The following TMEM233 variants were observed in gnomAD, a reference collection of about 807,000 sequenced individuals.
TMEM233 encodes dispanin subfamily B member 2.
In TMEM233, 6 loss-of-function variants were observed where a neutral mutation model predicts 11.2. The observed-to-expected ratio is 0.54, with a 90% confidence interval of 0.29 to 1.06. The LOEUF (loss-of-function observed/expected upper bound fraction) is 1.06, where lower values mean the gene tolerates loss of function less well. Ranked by LOEUF, TMEM233 falls within the 50% of genes least tolerant of loss-of-function variation. The probability of loss-of-function intolerance (pLI) is 0.08; values close to 1 mark genes in which losing one functional copy is unlikely to be tolerated. For missense variants in TMEM233, 127 were observed against 144.7 expected, an observed-to-expected ratio of 0.88 and a Z score of 0.63; for synonymous variants, 59 against 55.8, an observed-to-expected ratio of 1.06 and a Z score of -0.26.
chr12:119,647,261 G>A (rs996909357), downstream of TMEM233, among the ~76,000 whole-genome samples: 3 of 152,160 alleles, frequency 2.0e-5, no homozygotes, highest in Admixed American at 1.3e-4. Context: ...TGGAAGGTCA[G>A]TCTTTAACCC....
chr12:119,624,693 G>A (rs1954713037), intron 1 of TMEM233, among the ~76,000 whole-genome samples: 2 of 152,186 alleles, frequency 1.3e-5, no homozygotes, highest in Non-Finnish European at 1.5e-5. Context: ...GAGGATGAAT[G>A]GGAGTGAGTA....
At chr12:119,606,157 T>G (rs1954275141) in intron 1 of TMEM233, among the ~76,000 whole-genome samples, 1 of 152,236 alleles carries the variant, frequency 6.6e-6, no homozygotes, top group African/African-American at 2.4e-5. Context: ...GCTATTTTGA[T>G]AGGAGCCTGC....
Position 119,629,866 on chromosome 12 carries a change from C to A in TMEM233, c.317C>A (p.Thr106Lys). The change falls in exon 2 of 3, where the codon ACA (threonine) becomes AAA (lysine). Residue 106 changes from threonine to lysine, a missense_variant. Transcript: ENST00000426426. ...GGCATTTCTTGTGCAGTTCACTTCA[C>A]AAGGAAGTAAGTAGGCTTTTTGAAT... ...IIGISCAVHF[T>K]RNA 3.9e-6 allele frequency: 6 copies of A among 1,549,830 alleles called. No homozygotes were observed. The highest frequency in any genetic ancestry group is 4.4e-6 in the Non-Finnish European group (5 of 1,146,420).
In TMEM233 at chr12:119,629,804, A is replaced by T; in HGVS notation, c.255A>T (p.Val85=). ...ARRLGRNAKW[V]AIASIIIGLL... is the part of the protein sequence containing the mutation. ...GGCTTGGGCGGAATGCTAAGTGGGT[A>T]GCCATCGCCTCCATCATCATTGGCC... Residue 85 remains valine (V), a synonymous_variant, in exon 2 of 3, where the codon GTA becomes GTT. Coordinates refer to ENST00000426426, the MANE Select transcript of TMEM233 (RefSeq NM_001136534.3). 6.4e-7 allele frequency: 1 copy of T among 1,551,720 alleles called. No homozygotes were observed. The highest frequency in any genetic ancestry group is 8.7e-7 in the Non-Finnish European group (1 of 1,146,984).
intron 1 of TMEM233, among the ~76,000 whole-genome samples, chr12:119,614,216 T>G (rs1197411993): frequency 7.9e-5 from 12 of 152,132 alleles, no homozygotes; most frequent in Admixed American, 7.9e-4. Flanking sequence ...AAGACCAGCC[T>G]GGCCAACATG....
rs755987884 is a variant in TMEM233, at chr12:119,629,778, C to A, written c.229C>A (p.Arg77=). The part of the protein sequence containing the change: ...YNDGDYEGAR[R]LGRNAKWVAI... ...CGATGGAGACTACGAAGGAGCCAGG[C>A]GGCTTGGGCGGAATGCTAAGTGGGT... Residue 77 remains arginine (R), a synonymous_variant, in exon 2 of 3, where the codon CGG becomes AGG. Transcript: ENST00000426426. 268 of 1,551,528 alleles carry A rather than the reference C, an allele frequency of 1.7e-4. No homozygotes were observed. Among genetic ancestry groups the A allele is most frequent in the Non-Finnish European group, 2.3e-4 (263 of 1,146,972 alleles).
intron 1 of TMEM233, among the ~76,000 whole-genome samples, chr12:119,608,176 A>G (rs79553786): frequency 0.011 from 1,710 of 152,218 alleles, 21 homozygotes; most frequent in African/African-American, 0.038. Flanking sequence ...CTCTTTCTCT[A>G]CCCAAGTAGA....
At chr12:119,650,577 G>A in the TMEM233 span, among the ~76,000 whole-genome samples, 12 of 152,040 alleles carry the variant, frequency 7.9e-5, no homozygotes, top group East Asian at 5.8e-4. Context: ...GAACTTTTAC[G>A]GCCGATTTGC....
rs1347819429 is a variant in TMEM233, at chr12:119,615,268, C to T, written c.187-14468C>T. Among the ~76,000 whole-genome samples the T allele has an allele frequency of 6.7e-5, 10 of 148,528 alleles. No individual in the cohort carries two copies. In the Admixed American group the frequency reaches 6.8e-4, roughly 10 times the overall value. ...ATTCTGTATTCATCTTATTTATTTG[C>T]ATGTTTACTTATTTTTTATCTCCAC... On this transcript the variant is annotated intron_variant, in intron 1 of 2. Coordinates refer to ENST00000426426, the MANE Select transcript of TMEM233 (RefSeq NM_001136534.3).
Position 119,594,080 on chromosome 12 carries a change from C to A in TMEM233, c.186+46C>A, listed in dbSNP as rs775821968. ...GGCAGCCTGGGAGGAGAGACCCGGG[C>A]GGCTTTGAGCCCCTGCAGGGGAGTC... On this transcript the variant is annotated intron_variant, in intron 1 of 2. Coordinates refer to ENST00000426426, the MANE Select transcript of TMEM233 (RefSeq NM_001136534.3). The surrounding 1 kb of genome is among the most constrained non-coding windows in gnomAD (Gnocchi z 5.6). 2.6e-6 allele frequency: 4 copies of A among 1,539,850 alleles called. No individual in the cohort carries two copies. The highest frequency in any genetic ancestry group is 1.7e-4 in the Middle Eastern group (1 of 5,952).
intron 1 of TMEM233, among the ~76,000 whole-genome samples, chr12:119,618,048 T>C (rs1954571040): frequency 6.6e-6 from 1 of 152,228 alleles, no homozygotes; most frequent in Admixed American, 6.5e-5. Flanking sequence ...GTGCAGCCTC[T>C]GGACATGGTG....
At chr12:119,610,098 G>A (rs2136702113) in intron 1 of TMEM233, among the ~76,000 whole-genome samples, 1 of 152,346 alleles carries the variant, frequency 6.6e-6, no homozygotes, top group East Asian at 1.9e-4. Context: ...CCCACCTCTT[G>A]TATCAGCATT....
chr12:119,623,249 G>A (rs537043646), intron 1 of TMEM233, among the ~76,000 whole-genome samples: 2 of 152,268 alleles, frequency 1.3e-5, no homozygotes, highest in East Asian at 3.9e-4. Context: ...AGAAAAGAGA[G>A]GGGACTTCAT....
At chr12:119,645,737 G>A (rs1276130781), downstream of TMEM233, among the ~76,000 whole-genome samples, 2 of 152,242 alleles carry the variant, frequency 1.3e-5, no homozygotes, top group African/African-American at 2.4e-5. Flanking sequence ...CGGTCACGGC[G>A]TTCATCTCTC....
intron 1 of TMEM233, among the ~76,000 whole-genome samples, chr12:119,626,603 G>GAGAA (rs1566109640): frequency 1.7e-4 from 22 of 127,508 alleles, no homozygotes; most frequent in South Asian, 1.3e-3. Context: ...AGAGAAAAAA[G>GAGAA]AAAAGAAAAG....
At chr12:119,632,961 G>A (rs1954914369) in intron 2 of TMEM233, among the ~76,000 whole-genome samples, 1 of 152,166 alleles carries the variant, frequency 6.6e-6, no homozygotes, top group Non-Finnish European at 1.5e-5. Context: ...TCATATGTTA[G>A]ACTTTCTCCA....
At chr12:119,614,361 T>A (rs1045192185) in intron 1 of TMEM233, among the ~76,000 whole-genome samples, 9 of 151,650 alleles carry the variant, frequency 5.9e-5, no homozygotes, top group Non-Finnish European at 1.2e-4. Context: ...GAGCCGAGAT[T>A]GCACCACTGC....
At chr12:119,625,367 C>CTTCTTTTTTT (rs71072545) in intron 1 of TMEM233, among the ~76,000 whole-genome samples, 2 of 145,588 alleles carry the variant, frequency 1.4e-5, no homozygotes, top group Non-Finnish European at 3.0e-5. Context: ...ATAACTTCTT[C>CTTCTTTTTTT]TTTTTTTTTT....
intron 2 of TMEM233, among the ~76,000 whole-genome samples, chr12:119,636,297 A>G (rs1436784462): frequency 3.3e-5 from 5 of 152,140 alleles, no homozygotes; most frequent in African/African-American, 4.8e-5. Flanking sequence ...TCAAAACAAA[A>G]GATTCTCCTA....
Sources: gnomAD v4.1 joint callset for allele counts (sites outside exome capture counted in the v4.1 genomes callset) on GRCh38, gnomAD v4.1.1 for gene constraint, Gnocchi (gnomAD v3.1) non-coding constraint, MANE v1.5 for transcripts, NCBI Gene and HGNC (gene_info 2026-07-23, HGNC 2026-07-21) for gene names.